MAP3K20: variants seen among roughly 807,000 people sequenced by gnomAD.
The protein encoded by MAP3K20 is HCCS-4.
MAP3K20 carries 40 observed loss-of-function variants against 85.7 expected under a neutral mutation model. The observed-to-expected ratio is 0.47, with a 90% confidence interval of 0.36 to 0.61. MAP3K20 has a LOEUF of 0.61. MAP3K20 is among the 20% of genes least tolerant of loss of function. The probability of loss-of-function intolerance (pLI) is 0.00; values close to 1 mark genes in which losing one functional copy is unlikely to be tolerated. For synonymous variants in MAP3K20, 325 were observed against 327.7 expected (o/e 0.99, Z 0.09); for missense variants, 817 against 961.7 (o/e 0.85, Z 1.99).
intron 2 of MAP3K20, among the ~76,000 whole-genome samples, chr2:173,099,800 T>G (rs1033692700): frequency 6.6e-6 from 1 of 152,228 alleles, no homozygotes; most frequent in African/African-American, 2.4e-5. Flanking sequence ...AATTGCCACC[T>G]AAGTTTTCAT....
At chr2:173,125,737 A>G (rs1335330597) in intron 2 of MAP3K20, among the ~76,000 whole-genome samples, 2 of 152,028 alleles carry the variant, frequency 1.3e-5, no homozygotes, top group Non-Finnish European at 2.9e-5. Context: ...ATCTCAGCTC[A>G]CTGCAAGCTC....
chr2:173,201,492 A>C (rs1691059885), intron 8 of MAP3K20, among the ~76,000 whole-genome samples: 1 of 152,184 alleles, frequency 6.6e-6, no homozygotes, highest in Non-Finnish European at 1.5e-5. Context: ...TCTTCATAAG[A>C]CTTAATCCAC....
At chr2:173,209,303 T>TAAAAGTGGAAAGAATTTTACA (rs1683795695) in intron 9 of MAP3K20, among the ~76,000 whole-genome samples, 1 of 152,308 alleles carries the variant, frequency 6.6e-6, no homozygotes, top group South Asian at 2.1e-4. Flanking sequence ...TGTTCAAACA[T>TAAAAGTGGAAAGAATTTTACA]AAAAGTGGAA....
intron 8 of MAP3K20, among the ~76,000 whole-genome samples, chr2:173,201,759 T>C (rs1691070549): frequency 6.6e-6 from 1 of 152,220 alleles, no homozygotes; most frequent in Non-Finnish European, 1.5e-5. Context: ...AATCAGGACT[T>C]AAATAATTTG....
chr2:173,222,834 A>T, intron 11 of MAP3K20: 1 of 985,426 alleles, frequency 1.0e-6, no homozygotes, highest in Non-Finnish European at 1.2e-6. Context: ...AGCCAAGGAT[A>T]TTCTCAGAAT....
intron 2 of MAP3K20, among the ~76,000 whole-genome samples, chr2:173,103,497 G>C (rs540638149): frequency 6.6e-6 from 1 of 152,260 alleles, no homozygotes; most frequent in African/African-American, 2.4e-5. Flanking sequence ...GTTTCAAAAA[G>C]GATTTAAGAT....
chr2:173,214,612 CTT>C lies in MAP3K20; in HGVS notation c.852-2499_852-2498del, dbSNP rs1433724460. 5.3e-5 allele frequency: 8 copies of C among 152,238 alleles called. No homozygotes were observed. The East Asian group carries it at 1.5e-3, about 29-fold the overall frequency. 9.4% of individuals were successfully genotyped at this position (152,238 alleles called of 1,614,324 possible). ...CATGTAATATATATTCTATATCACT[CTT>C]TTTACAAATTGACCTTTTATTTCAA... On this transcript the variant is annotated intron_variant, in intron 10 of 19. Coordinates refer to ENST00000375213, the MANE Select transcript of MAP3K20 (RefSeq NM_016653.3).
At chr2:173,256,846 C>T (rs926307139) in intron 16 of MAP3K20, among the ~76,000 whole-genome samples, 3 of 152,000 alleles carry the variant, frequency 2.0e-5, no homozygotes, top group Admixed American at 6.6e-5. Flanking sequence ...CTAAATATTT[C>T]AGTGTGCTAG....
chr2:173,143,609 G>A (rs1016134597), intron 2 of MAP3K20, among the ~76,000 whole-genome samples: 5 of 152,174 alleles, frequency 3.3e-5, no homozygotes, highest in Admixed American at 1.3e-4. Flanking sequence ...CCTAAGATTA[G>A]GAGTAAGACA....
intron 1 of MAP3K20, among the ~76,000 whole-genome samples, chr2:173,087,815 A>G (rs1385201525): frequency 2.0e-5 from 3 of 149,772 alleles, no homozygotes; most frequent in Non-Finnish European, 3.0e-5. Context: ...AAAAAATTCT[A>G]TTCTGTGTGT....
chr2:173,149,134 A>C (rs2106224480), intron 2 of MAP3K20, among the ~76,000 whole-genome samples: 1 of 152,364 alleles, frequency 6.6e-6, no homozygotes, highest in South Asian at 2.1e-4. Context: ...TTAATATGTG[A>C]CAGGCAGTTT....
At chr2:173,154,017 C>T (rs959612377) in intron 2 of MAP3K20, among the ~76,000 whole-genome samples, 1 of 151,904 alleles carries the variant, frequency 6.6e-6, no homozygotes, top group Admixed American at 6.6e-5. Context: ...TCACTCCCAC[C>T]GAAATTTGAC....
chr2:173,221,109 A>G (rs773873208), intron 11 of MAP3K20: 1 of 1,431,696 alleles, frequency 7.0e-7, no homozygotes, highest in Non-Finnish European at 9.2e-7. Context: ...AATTGGTCCT[A>G]ATTTCTCTTT....
chr2:173,248,716 T>C (rs1374145751), intron 16 of MAP3K20, among the ~76,000 whole-genome samples: 3 of 65,100 alleles, frequency 4.6e-5, no homozygotes, highest in African/African-American at 1.9e-4. Context: ...TGTGAAAAAT[T>C]CCCACTATGG....
At chr2:173,177,446 T>TTTTA (rs1468338138) in intron 3 of MAP3K20, among the ~76,000 whole-genome samples, 3 of 148,144 alleles carry the variant, frequency 2.0e-5, no homozygotes, top group Non-Finnish European at 4.5e-5. Flanking sequence ...ACAATAGATT[T>TTTTA]TTTTTTTTTT....
intron 8 of MAP3K20, among the ~76,000 whole-genome samples, chr2:173,202,176 C>A (rs1414925475): frequency 6.6e-6 from 1 of 152,160 alleles, no homozygotes; most frequent in Non-Finnish European, 1.5e-5. Context: ...AAAAGGTCTG[C>A]AGTTTACAGT....
chr2:173,246,992 C>A (rs1684931265), intron 16 of MAP3K20, among the ~76,000 whole-genome samples: 1 of 152,152 alleles, frequency 6.6e-6, no homozygotes, highest in South Asian at 2.1e-4. Context: ...TGAGAGGAAC[C>A]TTTGGAAGAG....
intron 16 of MAP3K20, among the ~76,000 whole-genome samples, chr2:173,253,405 A>G (rs112486332): frequency 0.016 from 2,421 of 152,328 alleles, 32 homozygotes; most frequent in South Asian, 0.032. Flanking sequence ...TAAGTTGGCT[A>G]TGGTTGGGAG....
intron 2 of MAP3K20, among the ~76,000 whole-genome samples, chr2:173,101,096 G>A (rs1687625364): frequency 1.3e-5 from 2 of 152,170 alleles, no homozygotes; most frequent in South Asian, 4.1e-4. Flanking sequence ...AGGTCACTGA[G>A]GAAGAGCCAC....
Sources: allele counts gnomAD v4.1 joint callset (sites outside exome capture counted in the v4.1 genomes callset), GRCh38; gene constraint gnomAD v4.1.1; transcripts MANE v1.5; gene names NCBI Gene and HGNC (gene_info 2026-07-23, HGNC 2026-07-21).